NRXN1: variants seen among roughly 807,000 people sequenced by gnomAD.
NRXN1 encodes neurexin-1.
In NRXN1, 39 loss-of-function variants were observed where a neutral mutation model predicts 150.9. That is an observed-to-expected ratio of 0.26 (90% CI 0.20 to 0.34). NRXN1 has a LOEUF of 0.34. Ranked by LOEUF, NRXN1 falls within the 10% of genes least tolerant of loss-of-function variation. NRXN1 has a pLI of 1.00. For synonymous variants in NRXN1, 924 were observed against 757.0 expected (o/e 1.22, Z -3.62); for missense variants, 1,815 against 1,949.9 (o/e 0.93, Z 1.30).
chr2:49,933,427 C>G (rs1173938452), intron 22 of NRXN1, among the ~76,000 whole-genome samples: 1 of 152,120 alleles, frequency 6.6e-6, no homozygotes, highest in Non-Finnish European at 1.5e-5. Context: ...TCTAGCCCTT[C>G]CAGCCACATT....
intron 5 of NRXN1, among the ~76,000 whole-genome samples, chr2:50,730,871 C>T (rs1698016260): frequency 6.6e-6 from 1 of 152,004 alleles, no homozygotes; most frequent in Non-Finnish European, 1.5e-5. Context: ...GACAGGGTTT[C>T]ACCGCGTTAG....
At chr2:50,991,080 G>A (rs1477444412) in intron 2 of NRXN1, among the ~76,000 whole-genome samples, 1 of 152,010 alleles carries the variant, frequency 6.6e-6, no homozygotes, top group Non-Finnish European at 1.5e-5. Context: ...TAGGAATACA[G>A]TAGTAAATGA....
chr2:50,522,302 T>C (rs1292889992), intron 12 of NRXN1, among the ~76,000 whole-genome samples: 1 of 152,216 alleles, frequency 6.6e-6, no homozygotes. Context: ...GATTTTATAA[T>C]ACTTTTTACC....
At chr2:50,709,532 A>G (rs909415956) in intron 5 of NRXN1, among the ~76,000 whole-genome samples, 16 of 152,122 alleles carry the variant, frequency 1.1e-4, no homozygotes, top group African/African-American at 3.9e-4. Flanking sequence ...CAGAGAAGGT[A>G]CCACTTTAGA....
At chr2:50,724,763 T>G (rs1281493681) in intron 5 of NRXN1, among the ~76,000 whole-genome samples, 1 of 151,688 alleles carries the variant, frequency 6.6e-6, no homozygotes, top group Non-Finnish European at 1.5e-5. Context: ...AATACATATG[T>G]GTGTGTGTGA....
chr2:50,128,747 C>A (rs539575690), intron 18 of NRXN1, among the ~76,000 whole-genome samples: 39 of 151,980 alleles, frequency 2.6e-4, no homozygotes, highest in Non-Finnish European at 4.7e-4. Flanking sequence ...TTTGGGGGAG[C>A]TGAGGGGGGT....
At chr2:49,932,673 T>C (rs1184706034) in intron 22 of NRXN1, among the ~76,000 whole-genome samples, 1 of 152,342 alleles carries the variant, frequency 6.6e-6, no homozygotes, top group African/African-American at 2.4e-5. Flanking sequence ...CATTACTCAA[T>C]TGTCAACTTA....
intron 8 of NRXN1, among the ~76,000 whole-genome samples, chr2:50,610,522 T>C (rs1023043181): frequency 6.6e-6 from 1 of 150,524 alleles, no homozygotes; most frequent in African/African-American, 2.4e-5. Flanking sequence ...CTTAGGAAGC[T>C]TGTATTGTAA....
At chr2:50,437,861 C>G (rs373666038) in intron 17 of NRXN1, among the ~76,000 whole-genome samples, 10 of 152,114 alleles carry the variant, frequency 6.6e-5, no homozygotes, top group African/African-American at 2.4e-4. Context: ...CTGCTCAAAC[C>G]TATTAAAATT....
chr2:50,102,241 A>T (rs568304434), intron 18 of NRXN1, among the ~76,000 whole-genome samples: 1 of 151,982 alleles, frequency 6.6e-6, no homozygotes, highest in African/African-American at 2.4e-5. Flanking sequence ...CCTCCACAAA[A>T]ATGAAGTAAT....
At chr2:50,910,760 G>C (rs183938951) in intron 5 of NRXN1, among the ~76,000 whole-genome samples, 1 of 151,888 alleles carries the variant, frequency 6.6e-6, no homozygotes, top group Non-Finnish European at 1.5e-5. Context: ...TGGGGTAGGA[G>C]TGCCAGTGTG....
At chr2:49,979,906 G>GT (rs958895922) in intron 21 of NRXN1, among the ~76,000 whole-genome samples, 60 of 65,996 alleles carry the variant, frequency 9.1e-4, no homozygotes, top group African/African-American at 1.8e-3. Context: ...TGTTTTTTTG[G>GT]TTTTTTTTTT....
chr2:50,359,110 C>CA (rs1333218363), intron 17 of NRXN1, among the ~76,000 whole-genome samples: 1 of 152,160 alleles, frequency 6.6e-6, no homozygotes, highest in South Asian at 2.1e-4. Flanking sequence ...AGTTTACCAA[C>CA]AGCAAAGACC....
chr2:51,001,228 T>TGGG (rs1406771378), intron 2 of NRXN1, among the ~76,000 whole-genome samples: 3,989 of 12,988 alleles, frequency 0.31, 220 homozygotes, highest in Admixed American at 0.41. Flanking sequence ...GGTAGATTCA[T>TGGG]GGGGTTGGGG....
chr2:50,838,851 A>G (rs1672465145), intron 5 of NRXN1, among the ~76,000 whole-genome samples: 1 of 152,156 alleles, frequency 6.6e-6, no homozygotes, highest in Non-Finnish European at 1.5e-5. Flanking sequence ...ATAAATGTCA[A>G]TAAACCACCA....
At chr2:50,636,745 G>C (rs1375709065) in intron 5 of NRXN1, among the ~76,000 whole-genome samples, 1 of 152,046 alleles carries the variant, frequency 6.6e-6, no homozygotes, top group Non-Finnish European at 1.5e-5. Flanking sequence ...CAACCTACTA[G>C]ATGTAAATTT....
chr2:50,985,615 G>A (rs548302515), intron 2 of NRXN1, among the ~76,000 whole-genome samples: 3 of 151,492 alleles, frequency 2.0e-5, no homozygotes, highest in Admixed American at 6.6e-5. Context: ...AAGGAAAAAA[G>A]GATCCAAGGA....
intron 5 of NRXN1, among the ~76,000 whole-genome samples, chr2:50,849,078 C>T (rs1674124250): frequency 6.6e-6 from 1 of 152,210 alleles, no homozygotes; most frequent in Non-Finnish European, 1.5e-5. Flanking sequence ...ACTCAAATCT[C>T]TCCTCCTCCA....
chr2:49,930,813 C>T (rs1669993617), intron 22 of NRXN1, among the ~76,000 whole-genome samples: 1 of 152,106 alleles, frequency 6.6e-6, no homozygotes, highest in African/African-American at 2.4e-5. Flanking sequence ...GATAAATTTT[C>T]AAGGGTAAAC....
Sources: allele counts gnomAD v4.1 joint callset (sites outside exome capture counted in the v4.1 genomes callset), GRCh38; gene constraint gnomAD v4.1.1; transcripts MANE v1.5; gene names NCBI Gene and HGNC (gene_info 2026-07-23, HGNC 2026-07-21).